The following ANKRD31 variants were observed in gnomAD, a reference collection of about 807,000 sequenced individuals.
ANKRD31 encodes the protein ankyrin repeat domain 31.
In ANKRD31, 147 loss-of-function variants were observed where a neutral mutation model predicts 186.0. The observed-to-expected ratio is 0.79, with a 90% CI of 0.69 to 0.91. The LOEUF is 0.91. ANKRD31 is among the 40% of genes least tolerant of loss of function. The pLI is 0.00. For missense variants in ANKRD31, 1,986 were observed against 2,148.8 expected (o/e 0.92, Z 1.50); for synonymous variants, 673 against 736.4 (o/e 0.91, Z 1.39).
chr5:75,233,395 T>A (rs1487429930), intron 1 of ANKRD31, among the ~76,000 whole-genome samples: 1 of 152,126 alleles, frequency 6.6e-6, no homozygotes, highest in African/African-American at 2.4e-5. Flanking sequence ...CTTCATTTCC[T>A]TATGAGGACT....
chr5:75,230,765 T>C (rs746881591), intron 1 of ANKRD31, 130 bp from the exon 2 acceptor site: 2 of 575,508 alleles, frequency 3.5e-6, no homozygotes, highest in Non-Finnish European at 5.9e-6. Flanking sequence ...ATGTTTCTAT[T>C]TCAAAGTGTT....
At chr5:75,108,903 A>G (rs1229669799) in intron 20 of ANKRD31, among the ~76,000 whole-genome samples, 2 of 152,182 alleles carry the variant, frequency 1.3e-5, no homozygotes, top group African/African-American at 4.8e-5. Context: ...ATTTTAAACC[A>G]TAGGTAAAAA....
intron 25 of ANKRD31, among the ~76,000 whole-genome samples, chr5:75,071,158 A>C (rs572202039): frequency 5.9e-4 from 89 of 152,090 alleles, no homozygotes; most frequent in Non-Finnish European, 9.4e-4. Context: ...CTATACACTT[A>C]AATATTTAAT....
intron 25 of ANKRD31, 82 bp downstream of exon 25, chr5:75,080,482 ACAAT>A: frequency 2.3e-6 from 2 of 858,164 alleles, no homozygotes; most frequent in Non-Finnish European, 1.7e-6. Flanking sequence ...ATAATATTTG[ACAAT>A]CTATTTGATC....
At chr5:75,107,353 G>A (rs978509852) in intron 21 of ANKRD31, among the ~76,000 whole-genome samples, 168 bp downstream of exon 21, 4 of 151,928 alleles carry the variant, frequency 2.6e-5, no homozygotes, top group Non-Finnish European at 4.4e-5. Context: ...ATACCTTTCT[G>A]GGAAGTATAA....
At chr5:75,122,284 A>G (rs1748855309) in intron 17 of ANKRD31, among the ~76,000 whole-genome samples, 1 of 111,356 alleles carries the variant, frequency 9.0e-6, no homozygotes, top group South Asian at 3.0e-4. Context: ...AATAAAAAAA[A>G]TCCTCCCAAC....
intron 17 of ANKRD31, among the ~76,000 whole-genome samples, chr5:75,126,609 G>A (rs956941001): frequency 7.2e-5 from 11 of 152,078 alleles, no homozygotes; most frequent in African/African-American, 2.4e-4. Context: ...AAACACCAAG[G>A]GGTGGTCCAA....
At chr5:75,154,084 T>C in intron 12 of ANKRD31, 117 bp downstream of exon 12, 1 of 1,014,906 alleles carries the variant, frequency 9.9e-7, no homozygotes, top group Non-Finnish European at 1.3e-6. Context: ...AAGACACTAT[T>C]GGATGGATTT....
Position 75,175,307 on chromosome 5 carries a change from C to G in ANKRD31, c.1565-6186G>C, listed in dbSNP as rs536895398. Reference sequence around the variant, plus strand: ...ATGACAAGTTAAAGGGTGCAGCACACCAACATGGCACATGTATACCTATGT... The same window carrying G: ...ATGACAAGTTAAAGGGTGCAGCACAGCAACATGGCACATGTATACCTATGT... On this transcript the variant is annotated intron_variant, in intron 10 of 25. Transcript: ENST00000506364. 7.2e-5 allele frequency among the ~76,000 whole-genome samples: 11 copies of G among 152,036 alleles called. No homozygotes were observed. In the South Asian group the frequency reaches 2.3e-3, roughly 32 times the overall value.
chr5:75,200,459 A>G (rs1372948181), intron 5 of ANKRD31, among the ~76,000 whole-genome samples: 1 of 151,442 alleles, frequency 6.6e-6, no homozygotes, highest in Non-Finnish European at 1.5e-5. Flanking sequence ...CACCATGCCC[A>G]GCTAATTTTT....
At chr5:75,171,944 A>G (rs1476711220) in intron 10 of ANKRD31, among the ~76,000 whole-genome samples, 1 of 151,904 alleles carries the variant, frequency 6.6e-6, no homozygotes, top group African/African-American at 2.4e-5. Context: ...TAACCCTGAT[A>G]CCAAAACCAA....
chr5:75,100,036 T>C (rs1480362972), intron 22 of ANKRD31, among the ~76,000 whole-genome samples: 1 of 152,202 alleles, frequency 6.6e-6, no homozygotes, highest in African/African-American at 2.4e-5. Context: ...TTTAGGTCTT[T>C]CCTGCTTTCT....
At chr5:75,174,762 C>G (rs549446277) in intron 10 of ANKRD31, among the ~76,000 whole-genome samples, 1 of 152,150 alleles carries the variant, frequency 6.6e-6, no homozygotes, top group African/African-American at 2.4e-5. Flanking sequence ...GAAATAGGAA[C>G]GCTTTTACAC....
At chr5:75,127,603 C>G (rs192726601) in intron 17 of ANKRD31, among the ~76,000 whole-genome samples, 10 of 152,226 alleles carry the variant, frequency 6.6e-5, no homozygotes, top group Admixed American at 1.3e-4. Context: ...TCAAATTTGT[C>G]TCAGCTATTT....
At chr5:75,137,805 A>G in intron 17 of ANKRD31, 51 bp downstream of exon 17, 1 of 1,340,644 alleles carries the variant, frequency 7.5e-7, no homozygotes, top group South Asian at 2.1e-5. Context: ...CATTTTCTTC[A>G]TTCATTTCCT....
chr5:75,207,083 A>T (rs1171374868), intron 4 of ANKRD31, among the ~76,000 whole-genome samples: 1 of 152,192 alleles, frequency 6.6e-6, no homozygotes, highest in African/African-American at 2.4e-5. Context: ...ATTTTTTCTC[A>T]GCCTAATTTA....
chr5:75,107,659 T>C, intron 20 of ANKRD31, 42 bp from the exon 21 acceptor site: 4 of 1,193,762 alleles, frequency 3.4e-6, no homozygotes, highest in Non-Finnish European at 4.7e-6. Flanking sequence ...TGAGGGAGAG[T>C]GAATGTCAAA....
At chr5:75,191,366 C>T (rs1476237354) in intron 9 of ANKRD31, among the ~76,000 whole-genome samples, 2 of 152,090 alleles carry the variant, frequency 1.3e-5, no homozygotes, top group East Asian at 1.9e-4. Flanking sequence ...TCTATTCCTG[C>T]TCCAGTGTCA....
intron 10 of ANKRD31, among the ~76,000 whole-genome samples, chr5:75,188,042 C>T (rs1463140233): frequency 6.6e-6 from 1 of 152,130 alleles, no homozygotes; most frequent in Non-Finnish European, 1.5e-5. Flanking sequence ...CCTGTCCCAA[C>T]CTCTGTACTT....
Sources: allele counts gnomAD v4.1 joint callset (sites outside exome capture counted in the v4.1 genomes callset), GRCh38; gene constraint gnomAD v4.1.1; transcripts MANE v1.5; gene names NCBI Gene and HGNC (gene_info 2026-07-23, HGNC 2026-07-21).